PC: variants seen among roughly 807,000 people sequenced by gnomAD.
PC encodes pyruvate carboxylase.
Under a neutral mutation model 107.8 loss-of-function variants are expected in PC, and 46 were observed. The observed-to-expected ratio is 0.43, with a 90% CI of 0.34 to 0.55. The LOEUF (loss-of-function observed/expected upper bound fraction) is 0.55. Among genes scored for constraint, PC ranks in the 20% least tolerant of loss-of-function variants. The pLI is 0.04. For missense variants in PC, 1,241 were observed against 1,643.1 expected (o/e 0.76, Z 4.23); for synonymous variants, 662 against 684.7 (o/e 0.97, Z 0.52).
rs1357232652 is a variant in PC at position 66,895,692 on chromosome 11, G to GA, written c.1-23534dup. Among the ~76,000 whole-genome samples, 3 of 152,170 alleles carry GA rather than the reference G, an allele frequency of 2.0e-5. No individual in the cohort carries two copies. The East Asian group carries it at 5.8e-4, about 29-fold the overall frequency. ...AGAAACTGAAGAAAAGAGACAAAGA[G>GA]ATGGAAAATAGGTGAAAAAGGGAAA... On this transcript the variant is annotated intron_variant, in intron 3 of 22. Transcript: ENST00000393960.
At position 66,927,678 on chromosome 11, in the gene PC, G is replaced by A. The variant is rs563841212; in HGVS notation, c.-1+24752C>T. 5.3e-4 allele frequency among the ~76,000 whole-genome samples: 80 copies of A among 151,240 alleles called. 1 individual carries two copies. The highest frequency in any genetic ancestry group is 1.9e-3 in the African/African-American group (78 of 41,134). ...GCAGTGGTTGCAGTGAGCTGAGATC[G>A]TGCCACGGCACTCCAGCCTGGGCAA... On this transcript the variant is annotated intron_variant, in intron 3 of 22. Coordinates refer to ENST00000393960, the MANE Select transcript of PC (RefSeq NM_001040716.2).
At chr11:66,914,951 G>A (rs1407094236) in intron 3 of PC, among the ~76,000 whole-genome samples, 1 of 152,180 alleles carries the variant, frequency 6.6e-6, no homozygotes, top group Admixed American at 6.5e-5. Flanking sequence ...AGTCACTTGA[G>A]CCTGGGGGAG....
intron 3 of PC, among the ~76,000 whole-genome samples, chr11:66,879,350 C>T (rs1947103091): frequency 2.0e-5 from 3 of 152,240 alleles, no homozygotes; most frequent in Admixed American, 1.3e-4. Context: ...GAGGACACCA[C>T]GTGCTTTTGC....
At chr11:66,928,945 T>TA (rs751465673) in intron 3 of PC, among the ~76,000 whole-genome samples, 18 of 152,220 alleles carry the variant, frequency 1.2e-4, no homozygotes, top group Non-Finnish European at 2.1e-4. Flanking sequence ...GGTCAGGGTC[T>TA]AAAATAGGGT....
chr11:66,945,423 G>GT lies in PC; in HGVS notation c.-1+7006_-1+7007insA, dbSNP rs1472292165. Among the ~76,000 whole-genome samples, 2 of 97,070 alleles carry GT rather than the reference G, an allele frequency of 2.1e-5. 1 individual carries two copies. Among genetic ancestry groups the GT allele is most frequent in the Non-Finnish European group, 4.3e-5 (2 of 46,464 alleles). 63.7% of individuals were successfully genotyped at this position (97,070 alleles called of 152,430 possible). A position where few individuals can be genotyped will look rare whatever the true frequency, so the allele number is the denominator to read the frequency against. On this transcript the variant is annotated intron_variant, in intron 3 of 22. Coordinates refer to ENST00000393960, the MANE Select transcript of PC (RefSeq NM_001040716.2). Reference sequence around the variant, plus strand: ...TTAACTGAATTCAAATGGTTTGGGGGGGCGGGTCGGAACTGCAGAGTTACA... The same window carrying GT: ...TTAACTGAATTCAAATGGTTTGGGGGTGGCGGGTCGGAACTGCAGAGTTACA...
intron 12 of PC, chr11:66,859,678 T>C: frequency 5.0e-6 from 8 of 1,612,950 alleles, no homozygotes; most frequent in Non-Finnish European, 5.9e-6. Context: ...CTGAAGCACC[T>C]CGTCCCCGGC....
At chr11:66,937,691 C>G (rs1431968072) in intron 3 of PC, among the ~76,000 whole-genome samples, 3 of 151,918 alleles carry the variant, frequency 2.0e-5, no homozygotes, top group African/African-American at 7.3e-5. Flanking sequence ...TGATTTTTTT[C>G]TGCCTGCTCA....
In PC at chr11:66,863,847, T is replaced by C; in HGVS notation, c.1295A>G (p.His432Arg). The C allele has an allele frequency of 6.2e-7, 1 of 1,613,636 alleles. No individual in the cohort carries two copies. The highest frequency in any genetic ancestry group is 8.5e-7 in the Non-Finnish European group (1 of 1,179,914). The change falls in exon 12 of 23, where the codon CAC becomes CGC. Residue 432 changes from histidine (H) to arginine (R), a missense_variant. His to Arg is a conservative substitution (Grantham distance 29). Around this residue, in one of 2 missense-constraint regions of PC, gnomAD observed 1,143 missense variants for 1,551.9 expected, o/e 0.74. Coordinates refer to ENST00000393960, the MANE Select transcript of PC (RefSeq NM_001040716.2). ...YDSLLVKVIA[H>R]GKDHPTAATK... ...GGCGGCCGTGGGGTGGTCTTTGCCG[T>C]GGGCAATGACTTTGACCAGCAGGGA...
intron 3 of PC, among the ~76,000 whole-genome samples, chr11:66,875,823 T>C (rs1946956242): frequency 1.3e-5 from 2 of 152,110 alleles, no homozygotes; most frequent in African/African-American, 4.8e-5. Flanking sequence ...CCTTATTCAT[T>C]GCACAGTGGA....
chr11:66,874,593 A>AGAG (rs1427762882), intron 3 of PC, among the ~76,000 whole-genome samples: 1 of 152,158 alleles, frequency 6.6e-6, no homozygotes, highest in African/African-American at 2.4e-5. Context: ...AAGAAAGAGA[A>AGAG]GAGGAGGAGG....
intron 3 of PC, among the ~76,000 whole-genome samples, chr11:66,907,525 A>G (rs1162892394): frequency 6.6e-6 from 1 of 152,128 alleles, no homozygotes; most frequent in Non-Finnish European, 1.5e-5. Flanking sequence ...AGACTCAAAA[A>G]CAAAAACAAA....
intron 3 of PC, among the ~76,000 whole-genome samples, chr11:66,942,415 G>A (rs1253861808): frequency 7.4e-4 from 107 of 144,144 alleles, no homozygotes; most frequent in African/African-American, 2.3e-3. Context: ...AAAAAAAAAA[G>A]AAATTCTGAC....
At position 66,871,656 on chromosome 11, in the gene PC, T is replaced by A; in HGVS notation, c.321+31A>T. ...GCAACTAAGACTCCCTGGTCCCTGC[T>A]GTCCAGGCCCAGCCAGGCCACTGGG... On this transcript the variant is annotated intron_variant, in intron 5 of 22. Transcript: ENST00000393960. The surrounding 1 kb of genome is among the most constrained non-coding windows in gnomAD (Gnocchi z 7.4). 1 of 1,562,864 alleles carries A rather than the reference T, an allele frequency of 6.4e-7. No homozygotes were observed. The highest frequency in any genetic ancestry group is 1.2e-5 in the South Asian group (1 of 86,118).
Position 66,857,399 on chromosome 11 carries a change from G to A in PC, c.1369-4016C>T, listed in dbSNP as rs1158582485. On this transcript the variant is annotated intron_variant, in intron 12 of 22. Transcript: ENST00000393960. The surrounding 1 kb of genome is among the most constrained non-coding windows in gnomAD (Gnocchi z 7.1). ...TTCTCTGGCGGGGGAGGGTATGGCG[G>A]GGAGTGGGGAGGCGGCTGGCGATTC... The A allele has an allele frequency of 1.1e-5, 3 of 270,666 alleles. No homozygotes were observed. The highest frequency in any genetic ancestry group is 2.1e-5 in the Non-Finnish European group (3 of 143,706). 16.8% of individuals were successfully genotyped at this position (270,666 alleles called of 1,614,324 possible). A position where few individuals can be genotyped will look rare whatever the true frequency, so the allele number is the denominator to read the frequency against.
chr11:66,909,021 G>C (rs1948253777), intron 3 of PC, among the ~76,000 whole-genome samples: 1 of 152,188 alleles, frequency 6.6e-6, no homozygotes, highest in African/African-American at 2.4e-5. Context: ...CTCAAACCAG[G>C]GGCCCTATCT....
At position 66,859,919 on chromosome 11, in the gene PC, C is replaced by T. The variant is rs143113069; in HGVS notation, c.1368+3855G>A. 321 of 1,583,820 alleles carry T rather than the reference C, an allele frequency of 2.0e-4. No individual in the cohort carries two copies. The African/African-American group carries it at 3.6e-3, about 18-fold the overall frequency. The stretch of plus-strand genomic sequence containing the variant: ...CCTTGCTGGTTCGGGGCCGGGGGGC[C>T]GGAAATGGCCGCCTCCCCCTCAAGC... On this transcript the variant is annotated intron_variant, in intron 12 of 22. Transcript: ENST00000393960.
intron 3 of PC, among the ~76,000 whole-genome samples, chr11:66,890,635 G>A (rs1402799551): frequency 6.6e-6 from 1 of 151,532 alleles, no homozygotes; most frequent in Non-Finnish European, 1.5e-5. Context: ...CGAGTAGCTG[G>A]GACTACAGGC....
chr11:66,926,545 T>C (rs1342321338), intron 3 of PC, among the ~76,000 whole-genome samples: 1 of 152,202 alleles, frequency 6.6e-6, no homozygotes, highest in East Asian at 1.9e-4. Context: ...TCTAGGGACA[T>C]GACCAACTAG....
intron 1 of PC, among the ~76,000 whole-genome samples, chr11:66,954,699 C>A (rs1292633556): frequency 6.6e-6 from 1 of 152,186 alleles, no homozygotes; most frequent in Non-Finnish European, 1.5e-5. Context: ...AATCCCAGCA[C>A]TTTGGGAGGC....
Sources: gnomAD v4.1 joint callset for allele counts (sites outside exome capture counted in the v4.1 genomes callset) on GRCh38, gnomAD v4.1.1 for gene constraint, gnomAD v4.1.1 regional missense constraint, Gnocchi (gnomAD v3.1) non-coding constraint, MANE v1.5 for transcripts, NCBI Gene and HGNC (gene_info 2026-07-23, HGNC 2026-07-21) for gene names.